PTPRD: variants seen among roughly 807,000 people sequenced by gnomAD.
The protein encoded by PTPRD is protein tyrosine phosphatase receptor type D, also known as receptor-type tyrosine-protein phosphatase delta.
In PTPRD, 34 loss-of-function variants were observed where a neutral mutation model predicts 214.5. The observed-to-expected ratio is 0.16, with a 90% CI of 0.12 to 0.21. The LOEUF is 0.21. PTPRD is among the 10% of genes least tolerant of loss of function. The probability of loss-of-function intolerance (pLI) is 1.00; values close to 1 mark genes in which losing one functional copy is unlikely to be tolerated. For missense variants in PTPRD, 2,545 were observed against 2,398.7 expected (o/e 1.06, Z -1.27); for synonymous variants, 1,128 against 845.7 (o/e 1.33, Z -5.79).
chr9:9,647,425 T>C (rs2096222313), intron 7 of PTPRD, among the ~76,000 whole-genome samples: 1 of 152,186 alleles, frequency 6.6e-6, no homozygotes, highest in African/African-American at 2.4e-5. Context: ...GGGTGAATAA[T>C]ACTCTTCAGA....
intron 4 of PTPRD, among the ~76,000 whole-genome samples, chr9:10,028,986 G>T (rs185590770): frequency 6.8e-4 from 103 of 152,206 alleles, no homozygotes; most frequent in African/African-American, 2.3e-3. Context: ...CCTGGGCTGT[G>T]TGCCGCCTAG....
chr9:9,595,436 GTGTACACATGCATACACATGTACGCATA>G lies in PTPRD; in HGVS notation c.-286-20683_-286-20656del, dbSNP rs1324575820. Among the ~76,000 whole-genome samples the G allele has an allele frequency of 3.4e-4, 50 of 146,802 alleles. 1 individual carries two copies. The highest frequency in any genetic ancestry group is 9.5e-4 in the African/African-American group (37 of 39,038). ...TATACAAATGTACACATATACACAC[GTGTACACATGCATACACATGTACGCATA>G]TGTACACATGCATACACATGTATGC... On this transcript the variant is annotated intron_variant, in intron 7 of 45. Transcript: ENST00000381196.
intron 11 of PTPRD, among the ~76,000 whole-genome samples, chr9:8,920,697 G>C (rs946326116): frequency 2.0e-5 from 3 of 152,230 alleles, no homozygotes; most frequent in Non-Finnish European, 4.4e-5. Flanking sequence ...TGGGCCGTGG[G>C]TTGGACAAGC....
At chr9:10,083,858 G>A (rs540924643) in intron 3 of PTPRD, among the ~76,000 whole-genome samples, 1 of 152,090 alleles carries the variant, frequency 6.6e-6, no homozygotes, top group Admixed American at 6.6e-5. Flanking sequence ...CTGATAGGAG[G>A]TGGAGCTCAA....
At chr9:9,123,267 T>C (rs1228244181) in intron 10 of PTPRD, among the ~76,000 whole-genome samples, 2 of 152,224 alleles carry the variant, frequency 1.3e-5, no homozygotes. Context: ...AATTCTGGTA[T>C]TGGAAACCCA....
At chr9:10,241,236 A>G (rs973407962) in intron 3 of PTPRD, among the ~76,000 whole-genome samples, 1 of 152,010 alleles carries the variant, frequency 6.6e-6, no homozygotes, top group African/African-American at 2.4e-5. Context: ...TGGAACTGTC[A>G]TATGCTACTA....
At chr9:8,928,952 A>G (rs1282092428) in intron 11 of PTPRD, among the ~76,000 whole-genome samples, 1 of 152,106 alleles carries the variant, frequency 6.6e-6, no homozygotes, top group East Asian at 1.9e-4. Context: ...TCTTTGTAGC[A>G]ATTGTGAATG....
chr9:9,374,554 G>C (rs971728399), intron 9 of PTPRD, among the ~76,000 whole-genome samples: 2 of 152,150 alleles, frequency 1.3e-5, no homozygotes, highest in African/African-American at 2.4e-5. Flanking sequence ...GTAAGGTAAA[G>C]TAAAGGGAAA....
chr9:8,598,098 C>G (rs1161544881), intron 14 of PTPRD, among the ~76,000 whole-genome samples: 3 of 152,118 alleles, frequency 2.0e-5, no homozygotes, highest in Non-Finnish European at 4.4e-5. Flanking sequence ...GAGAGAACAT[C>G]TACCAACATG....
chr9:8,513,385 G>C (rs1402433840), intron 21 of PTPRD, among the ~76,000 whole-genome samples: 2 of 151,972 alleles, frequency 1.3e-5, no homozygotes, highest in Non-Finnish European at 2.9e-5. Context: ...AATCAAAAGT[G>C]AGACTTCTCT....
intron 4 of PTPRD, among the ~76,000 whole-genome samples, chr9:9,947,354 T>TTATATATTATATATATATTATATATATAA (rs2092741076): frequency 1.8e-5 from 1 of 56,066 alleles, no homozygotes; most frequent in African/African-American, 7.8e-5. Flanking sequence ...ATAATATATA[T>TTATATATTATATATATATTATATATATAA]TATATATATT....
chr9:9,895,588 G>C (rs1410385492), intron 5 of PTPRD, among the ~76,000 whole-genome samples: 1 of 152,010 alleles, frequency 6.6e-6, no homozygotes, highest in Non-Finnish European at 1.5e-5. Flanking sequence ...ATCCACGATG[G>C]TTACAGGAGA....
rs753684147 is a variant in PTPRD, at chr9:8,733,811, G to GAGC, written c.30_32dup (p.Leu12dup). On this transcript the variant is annotated inframe_insertion, in exon 12 of 46. Coordinates refer to ENST00000381196, the MANE Select transcript of PTPRD (RefSeq NM_002839.4). The stretch of plus-strand genomic sequence containing the variant: ...CATCCGTGCGGAGGAAGAAAGTGAG[G>GAGC]AGCAGCAGCAGCAGCCTGGCTACGT... 2.7e-5 allele frequency: 42 copies of GAGC among 1,552,878 alleles called. No homozygotes were observed. The highest frequency in any genetic ancestry group is 1.6e-4 in the Admixed American group (8 of 51,200).
intron 32 of PTPRD, among the ~76,000 whole-genome samples, chr9:8,462,355 C>G (rs371386412): frequency 4.9e-4 from 75 of 152,000 alleles, no homozygotes; most frequent in Non-Finnish European, 8.0e-4. Flanking sequence ...TTCTTTAGGC[C>G]CTTACTTATG....
At chr9:8,708,395 C>T (rs2098253932) in intron 12 of PTPRD, among the ~76,000 whole-genome samples, 1 of 151,886 alleles carries the variant, frequency 6.6e-6, no homozygotes, top group South Asian at 2.1e-4. Context: ...AGCTACAGGC[C>T]AGGTGCAGTG....
intron 10 of PTPRD, among the ~76,000 whole-genome samples, chr9:9,158,589 G>C (rs1421296404): frequency 1.3e-5 from 2 of 152,120 alleles, no homozygotes; most frequent in East Asian, 1.9e-4. Flanking sequence ...GACAGAGTGA[G>C]ACTCCATCTC....
intron 4 of PTPRD, among the ~76,000 whole-genome samples, chr9:9,993,332 A>C (rs1198891879): frequency 1.3e-5 from 2 of 152,236 alleles, no homozygotes; most frequent in African/African-American, 4.8e-5. Flanking sequence ...ATAAACATGT[A>C]CATCAAAGTG....
At chr9:8,822,087 GTGGTTT>G (rs1247594586) in intron 11 of PTPRD, among the ~76,000 whole-genome samples, 14 of 152,212 alleles carry the variant, frequency 9.2e-5, no homozygotes, top group Admixed American at 7.8e-4. Flanking sequence ...CACATTTTTA[GTGGTTT>G]TGGTTTTGGT....
At chr9:9,766,175 T>G (rs1332358905) in intron 6 of PTPRD, among the ~76,000 whole-genome samples, 1 of 152,176 alleles carries the variant, frequency 6.6e-6, no homozygotes, top group Non-Finnish European at 1.5e-5. Context: ...TCTTTTCAAC[T>G]CTCTTTTATA....
Sources: gnomAD v4.1 joint callset for allele counts (sites outside exome capture counted in the v4.1 genomes callset) on GRCh38, gnomAD v4.1.1 for gene constraint, MANE v1.5 for transcripts, NCBI Gene and HGNC (gene_info 2026-07-23, HGNC 2026-07-21) for gene names.